The following CDH26 variants were observed in gnomAD, a reference collection of about 807,000 sequenced individuals.
CDH26 encodes cadherin-like protein 26.
Under a neutral mutation model 90.3 loss-of-function variants are expected in CDH26, and 83 were observed. That is an observed-to-expected ratio of 0.92 (90% CI 0.77 to 1.10). CDH26 has a LOEUF of 1.10. Ranked by LOEUF, CDH26 falls within the 50% of genes least tolerant of loss-of-function variation. The pLI, the probability that CDH26 is intolerant of heterozygous loss-of-function variation, is 0.00. For missense variants in CDH26, 1,013 were observed against 1,037.6 expected, an observed-to-expected ratio of 0.98 and a Z score of 0.33; for synonymous variants, 397 against 396.3, an observed-to-expected ratio of 1.00 and a Z score of -0.02.
chr20:60,000,631 T>C (rs770056302), intron 14 of CDH26, among the ~76,000 whole-genome samples: 27 of 152,162 alleles, frequency 1.8e-4, no homozygotes, highest in Non-Finnish European at 3.4e-4. Context: ...CCAGAACCCA[T>C]AGGGGCGTGT....
intron 4 of CDH26, among the ~76,000 whole-genome samples, chr20:59,976,377 G>A (rs1239973901): frequency 2.0e-5 from 3 of 152,174 alleles, no homozygotes; most frequent in Non-Finnish European, 4.4e-5. Context: ...TTAGCATCTT[G>A]CCAAAGAATA....
chr20:60,006,418 G>A (rs1434148062), intron 16 of CDH26, among the ~76,000 whole-genome samples: 1 of 152,066 alleles, frequency 6.6e-6, no homozygotes, highest in Non-Finnish European at 1.5e-5. Flanking sequence ...CAAGGCATGA[G>A]TGAGGGTGTC....
chr20:60,005,829 C>T (rs760568526), intron 16 of CDH26, among the ~76,000 whole-genome samples: 10 of 152,146 alleles, frequency 6.6e-5, no homozygotes, highest in Admixed American at 2.0e-4. Context: ...CCCTCTATCA[C>T]ATGGCCTTTG....
chr20:60,022,356 G>A (rs188622006), intron 7 of CDH26, among the ~76,000 whole-genome samples: 172 of 152,266 alleles, frequency 1.1e-3, no homozygotes, highest in Non-Finnish European at 2.1e-3. Context: ...TCCAAAGATA[G>A]CGGCAGTCTG....
downstream of CDH26, among the ~76,000 whole-genome samples, chr20:60,017,042 C>G (rs1395199705): frequency 6.6e-6 from 1 of 151,848 alleles, no homozygotes; most frequent in African/African-American, 2.4e-5. Context: ...GTTTTAACAT[C>G]TATGTTCATT....
At chr20:59,967,277 G>A (rs1255112622) in intron 1 of CDH26, among the ~76,000 whole-genome samples, 3 of 152,098 alleles carry the variant, frequency 2.0e-5, no homozygotes, top group Non-Finnish European at 4.4e-5. Flanking sequence ...AAAGTATGAA[G>A]GTTTGAGAGA....
downstream of CDH26, among the ~76,000 whole-genome samples, chr20:60,035,145 TTA>T (rs1336187655): frequency 1.3e-5 from 2 of 152,272 alleles, no homozygotes; most frequent in Admixed American, 1.3e-4. Flanking sequence ...TTTAGAGTTT[TTA>T]TGTCATTGTT....
At chr20:60,001,042 A>C (rs1474857936) in intron 14 of CDH26, among the ~76,000 whole-genome samples, 1 of 152,082 alleles carries the variant, frequency 6.6e-6, no homozygotes, top group African/African-American at 2.4e-5. Flanking sequence ...CACCTTCTAG[A>C]TGTCATCTGC....
Position 59,996,748 on chromosome 20 carries a change from G to A in CDH26, c.2006G>A (p.Gly669Asp). The A allele has an allele frequency of 6.2e-7, 1 of 1,614,204 alleles. No homozygotes were observed. The highest frequency in any genetic ancestry group is 1.1e-5 in the South Asian group (1 of 91,080). The part of the protein sequence containing the change: ...TLVMYNAESK[G>D]TSAQTWSDVE... ...GTCATGTATAATGCGGAGAGCAAAG[G>A]CACTTCAGCCCAGGTAGTGGAATGT... The change falls in exon 13 of 18, where the codon GGC becomes GAC. Residue 669 changes from glycine to aspartate, a missense_variant. Physicochemically the swap from Gly to Asp is moderately conservative, Grantham distance 94 (BLOSUM62 -1). Transcript: ENST00000348616.
At chr20:59,962,486 A>G (rs1469934011) in intron 1 of CDH26, among the ~76,000 whole-genome samples, 1 of 152,108 alleles carries the variant, frequency 6.6e-6, no homozygotes, top group Non-Finnish European at 1.5e-5. Flanking sequence ...CTGTCATGAC[A>G]TGGCATCATC....
chr20:59,967,813 A>ATTTCTTTCTTTCTTTC (rs1204879152), intron 1 of CDH26, among the ~76,000 whole-genome samples: 14 of 43,990 alleles, frequency 3.2e-4, no homozygotes, highest in Admixed American at 6.0e-4. Context: ...TCCCTCCCTC[A>ATTTCTTTCTTTCTTTC]TTTCTTTCTT....
At chr20:60,023,955 CA>C (rs2061977218) in intron 7 of CDH26, among the ~76,000 whole-genome samples, 1 of 133,054 alleles carries the variant, frequency 7.5e-6, no homozygotes, top group Non-Finnish European at 1.6e-5. Context: ...ATTATGCTGA[CA>C]GAGGGAGAGA....
At chr20:60,021,879 CACACACACACACACACACATATAT>C (rs2061958372) in intron 7 of CDH26, among the ~76,000 whole-genome samples, 1 of 98,644 alleles carries the variant, frequency 1.0e-5, no homozygotes, top group Non-Finnish European at 2.4e-5. Context: ...CACACACACA[CACACACACACACACACACATATAT>C]ATATATATAT....
chr20:60,027,440 T>G (rs2062006647), intron 7 of CDH26, among the ~76,000 whole-genome samples: 1 of 152,196 alleles, frequency 6.6e-6, no homozygotes, highest in Admixed American at 6.5e-5. Context: ...TTCTTCCTCT[T>G]CCTCCTCCTC....
downstream of CDH26, among the ~76,000 whole-genome samples, chr20:60,017,554 A>G (rs1296002158): frequency 1.3e-5 from 2 of 151,958 alleles, no homozygotes; most frequent in Non-Finnish European, 2.9e-5. Context: ...CAAAAAATCA[A>G]CTTTTTGTTT....
chr20:59,980,927 A>G (rs987309920), intron 4 of CDH26, among the ~76,000 whole-genome samples: 3 of 152,142 alleles, frequency 2.0e-5, no homozygotes, highest in East Asian at 3.8e-4. Context: ...ATTTTTGTCT[A>G]AAGTGTGAGA....
At chr20:60,027,947 C>T (rs990101146) in intron 7 of CDH26, among the ~76,000 whole-genome samples, 1 of 152,218 alleles carries the variant, frequency 6.6e-6, no homozygotes, top group African/African-American at 2.4e-5. Context: ...ACCCTTCACT[C>T]GGTTTTCTCT....
At chr20:59,959,607 C>T (rs1306800637) in intron 1 of CDH26, among the ~76,000 whole-genome samples, 1 of 152,086 alleles carries the variant, frequency 6.6e-6, no homozygotes, top group Non-Finnish European at 1.5e-5. Flanking sequence ...ACCATGTTGG[C>T]CAGGCTGGTC....
chr20:60,015,605 T>C (rs2061898531), downstream of CDH26, among the ~76,000 whole-genome samples: 1 of 46,550 alleles, frequency 2.1e-5, no homozygotes, highest in Middle Eastern at 9.3e-3. Context: ...TTTCCTTTGC[T>C]GTGCAGAAAA....
Sources: gnomAD v4.1 joint callset for allele counts (sites outside exome capture counted in the v4.1 genomes callset) on GRCh38, gnomAD v4.1.1 for gene constraint, MANE v1.5 for transcripts, NCBI Gene and HGNC (gene_info 2026-07-23, HGNC 2026-07-21) for gene names.